LRRIQ3: variants seen among roughly 807,000 people sequenced by gnomAD.
The protein encoded by LRRIQ3 is leucine rich repeats and IQ motif containing 3.
Under a neutral mutation model 59.3 loss-of-function variants are expected in LRRIQ3, and 75 were observed. That is an observed-to-expected ratio of 1.26 (90% CI 1.05 to 1.53). LRRIQ3 has a LOEUF of 1.53. Among genes scored for constraint, LRRIQ3 ranks in the 40% most tolerant of loss-of-function variants. The pLI, the probability that LRRIQ3 is intolerant of heterozygous loss-of-function variation, is 0.00. For synonymous variants in LRRIQ3, 250 were observed against 231.3 expected, an observed-to-expected ratio of 1.08 and a Z score of -0.73; for missense variants, 831 against 710.0, an observed-to-expected ratio of 1.17 and a Z score of -1.94.
At chr1:74,077,819 T>A (rs1646226979) in intron 5 of LRRIQ3, among the ~76,000 whole-genome samples, 1 of 152,032 alleles carries the variant, frequency 6.6e-6, no homozygotes, top group South Asian at 2.1e-4. Flanking sequence ...TTATATGTAA[T>A]GCAAGAAGGG....
intron 5 of LRRIQ3, among the ~76,000 whole-genome samples, chr1:74,087,072 T>C (rs945895976): frequency 2.6e-5 from 4 of 152,138 alleles, no homozygotes; most frequent in African/African-American, 7.2e-5. Flanking sequence ...GTAACTTGTT[T>C]ACTCAAAGTA....
chr1:74,042,575 A>G (rs1051162558), intron 6 of LRRIQ3, among the ~76,000 whole-genome samples: 1 of 152,056 alleles, frequency 6.6e-6, no homozygotes, highest in Non-Finnish European at 1.5e-5. Context: ...TTAGGTTGCA[A>G]TTCATTATGT....
intron 4 of LRRIQ3, among the ~76,000 whole-genome samples, chr1:74,154,409 T>C (rs1330769894): frequency 6.6e-6 from 1 of 152,072 alleles, no homozygotes; most frequent in African/African-American, 2.4e-5. Flanking sequence ...AAGCCCAGCA[T>C]AGATAAGTAA....
intron 4 of LRRIQ3, among the ~76,000 whole-genome samples, chr1:74,135,204 A>G (rs1043468268): frequency 6.6e-6 from 1 of 151,964 alleles, no homozygotes; most frequent in African/African-American, 2.4e-5. Context: ...GGTACACACA[A>G]CAATTCTAAG....
chr1:74,154,240 C>CAAACAAAAAAAAAAAAAAAAAAAAA (rs1648176929), intron 4 of LRRIQ3, among the ~76,000 whole-genome samples: 1 of 57,290 alleles, frequency 1.7e-5, no homozygotes, highest in African/African-American at 7.3e-5. Context: ...GACTCCTTCT[C>CAAACAAAAAAAAAAAAAAAAAAAAA]AAAAAAAAAA....
intron 4 of LRRIQ3, among the ~76,000 whole-genome samples, chr1:74,119,058 C>T (rs538142439): frequency 7.2e-5 from 11 of 152,094 alleles, no homozygotes; most frequent in South Asian, 6.3e-4. Flanking sequence ...AACTGAGCAC[C>T]GTAGCCTAGC....
Position 74,075,244 on chromosome 1 carries a change from A to G in LRRIQ3, c.868-454T>C, listed in dbSNP as rs911878640. Among the ~76,000 whole-genome samples the G allele has an allele frequency of 2.0e-5, 3 of 152,098 alleles. No individual in the cohort carries two copies. The East Asian group carries it at 5.8e-4, about 29-fold the overall frequency. On this transcript the variant is annotated intron_variant, in intron 5 of 7. Coordinates refer to ENST00000354431, the MANE Select transcript of LRRIQ3 (RefSeq NM_001105659.2). ...CAATAACAGGAAGAAAGGAAGGGAG[A>G]AACGGGACCAGAATTATCACACATG...
At chr1:74,099,584 C>G (rs1395794235) in intron 5 of LRRIQ3, among the ~76,000 whole-genome samples, 7 of 152,098 alleles carry the variant, frequency 4.6e-5, no homozygotes, top group Non-Finnish European at 7.4e-5. Context: ...GATACCAAAG[C>G]CTAGCAGAGA....
intron 4 of LRRIQ3, among the ~76,000 whole-genome samples, chr1:74,145,908 T>C (rs1380434431): frequency 6.6e-6 from 1 of 152,152 alleles, no homozygotes; most frequent in African/African-American, 2.4e-5. Context: ...TATACAGTTA[T>C]ATGCCATATA....
At chr1:74,157,773 T>A (rs1317581268) in intron 3 of LRRIQ3, among the ~76,000 whole-genome samples, 1 of 152,108 alleles carries the variant, frequency 6.6e-6, no homozygotes, top group Non-Finnish European at 1.5e-5. Flanking sequence ...GAAAGAATTT[T>A]CTCCATGTTG....
At chr1:74,158,235 C>G (rs1648456397) in intron 3 of LRRIQ3, among the ~76,000 whole-genome samples, 1 of 152,116 alleles carries the variant, frequency 6.6e-6, no homozygotes, top group Non-Finnish European at 1.5e-5. Flanking sequence ...CCCACTTTCT[C>G]CAAACCATAA....
At chr1:74,029,225 G>T (rs1653618341) in intron 7 of LRRIQ3, among the ~76,000 whole-genome samples, 1 of 151,990 alleles carries the variant, frequency 6.6e-6, no homozygotes, top group Non-Finnish European at 1.5e-5. Context: ...CTGCCTGCTT[G>T]CCCTGGCCAG....
Position 74,026,924 on chromosome 1 carries a change from C to A in LRRIQ3, c.1764G>T (p.Met588Ile). ...YKRHCEEKFV[M>I]DMIAFEKACE... ...AGGCTTTTTCAAAGGCAATCATATC[C>A]ATAACAAATTTTTCTTCACAATGTC... The change falls in exon 8 of 8, where the codon ATG becomes ATT. Residue 588 changes from methionine (M) to isoleucine (I), a missense_variant. By Grantham distance (10) the Met-to-Ile change is conservative (BLOSUM62 1). Transcript: ENST00000354431. The A allele has an allele frequency of 1.3e-6, 2 of 1,591,272 alleles. No homozygotes were observed. The highest frequency in any genetic ancestry group is 1.7e-6 in the Non-Finnish European group (2 of 1,165,344).
intron 1 of LRRIQ3, among the ~76,000 whole-genome samples, chr1:74,189,989 G>T (rs1174056982): frequency 6.6e-6 from 1 of 152,138 alleles, no homozygotes; most frequent in African/African-American, 2.4e-5. Flanking sequence ...AGTGTATCAA[G>T]GGACCTGCAG....
intron 5 of LRRIQ3, among the ~76,000 whole-genome samples, chr1:74,085,052 T>C (rs978419485): frequency 6.6e-6 from 1 of 151,810 alleles, no homozygotes; most frequent in African/African-American, 2.4e-5. Context: ...TGTTAATGTA[T>C]TTTCTTTCAA....
At chr1:74,182,893 A>G in intron 2 of LRRIQ3, 32 bp from the exon 3 acceptor site, 1 of 1,269,498 alleles carries the variant, frequency 7.9e-7, no homozygotes, top group Non-Finnish European at 1.1e-6. Flanking sequence ...TTTAAATTCC[A>G]AAATTACTTT....
At chr1:74,050,197 C>T (rs1654329203) in intron 6 of LRRIQ3, among the ~76,000 whole-genome samples, 1 of 152,218 alleles carries the variant, frequency 6.6e-6, no homozygotes, top group Non-Finnish European at 1.5e-5. Context: ...GCTGGGACTA[C>T]AGGAGTGAGC....
chr1:74,108,966 T>C (rs1646650836), intron 5 of LRRIQ3: 4 of 315,474 alleles, frequency 1.3e-5, no homozygotes, highest in South Asian at 1.1e-4. Flanking sequence ...AGGCATTCAA[T>C]CAACATAAAT....
chr1:74,163,001 G>T (rs1648750484), intron 3 of LRRIQ3, among the ~76,000 whole-genome samples: 1 of 151,544 alleles, frequency 6.6e-6, no homozygotes, highest in African/African-American at 2.4e-5. Context: ...GATAGTGAAT[G>T]TTCCCAACAC....
Sources: gnomAD v4.1 joint callset for allele counts (sites outside exome capture counted in the v4.1 genomes callset) on GRCh38, gnomAD v4.1.1 for gene constraint, MANE v1.5 for transcripts, NCBI Gene and HGNC (gene_info 2026-07-23, HGNC 2026-07-21) for gene names.